Variants in RANBP10 observed in about 807,000 individuals in gnomAD.
The protein encoded by RANBP10 is ran-binding protein 10.
In RANBP10, 24 loss-of-function variants were observed where a neutral mutation model predicts 72.8. The ratio of observed to expected loss-of-function variants is 0.33; its 90% CI spans 0.24 to 0.46. RANBP10 has a LOEUF of 0.46. RANBP10 is among the 20% of genes least tolerant of loss of function. The pLI is 1.00. For synonymous variants in RANBP10, 310 were observed against 322.3 expected (o/e 0.96, Z 0.41); for missense variants, 679 against 817.5 (o/e 0.83, Z 2.07).
chr16:67,805,885 C>G (rs950981531), intron 1 of RANBP10, among the ~76,000 whole-genome samples: 1 of 152,220 alleles, frequency 6.6e-6, no homozygotes, highest in Non-Finnish European at 1.5e-5. Context: ...AAGACACCCC[C>G]CAAACTCTAG....
chr16:67,793,601 C>T (rs1046535571), intron 2 of RANBP10, among the ~76,000 whole-genome samples: 6 of 151,958 alleles, frequency 3.9e-5, no homozygotes, highest in Non-Finnish European at 8.8e-5. Flanking sequence ...CGTGAGCCAC[C>T]GTGCCCAGCC....
At chr16:67,745,161 A>G (rs1416925381) in intron 3 of RANBP10, among the ~76,000 whole-genome samples, 1 of 150,374 alleles carries the variant, frequency 6.7e-6, no homozygotes, top group Non-Finnish European at 1.5e-5. Context: ...TATTTTTAGT[A>G]GAGAGGGGGT....
chr16:67,746,755 A>C (rs1442627195), intron 3 of RANBP10, among the ~76,000 whole-genome samples: 1 of 152,182 alleles, frequency 6.6e-6, no homozygotes, highest in African/African-American at 2.4e-5. Context: ...TGCCTTTTCC[A>C]GAATTTCACA....
chr16:67,771,797 T>C (rs151187147), intron 3 of RANBP10, among the ~76,000 whole-genome samples: 22 of 152,356 alleles, frequency 1.4e-4, no homozygotes, highest in Middle Eastern at 3.4e-3. Context: ...TCAGTTGACT[T>C]TGATGGCAAA....
chr16:67,771,377 A>G (rs2054604592), intron 3 of RANBP10, among the ~76,000 whole-genome samples: 1 of 151,370 alleles, frequency 6.6e-6, no homozygotes, highest in Non-Finnish European at 1.5e-5. Context: ...ACGGAATCTC[A>G]CCCTGTTGCT....
chr16:67,772,871 A>T (rs145409819), intron 2 of RANBP10, among the ~76,000 whole-genome samples: 20 of 152,272 alleles, frequency 1.3e-4, no homozygotes, highest in Non-Finnish European at 2.5e-4. Context: ...CAATCCACTC[A>T]GATTCTCAAG....
chr16:67,799,330 C>T (rs1476664262), intron 2 of RANBP10, among the ~76,000 whole-genome samples: 1 of 149,362 alleles, frequency 6.7e-6, no homozygotes, highest in Non-Finnish European at 1.5e-5. Flanking sequence ...CTCTGTTGCC[C>T]AGGCTGGAGT....
chr16:67,788,399 CCCG>C (rs2054957608), intron 2 of RANBP10, among the ~76,000 whole-genome samples: 1 of 151,348 alleles, frequency 6.6e-6, no homozygotes, highest in Admixed American at 6.6e-5. Flanking sequence ...ACTATAGGCG[CCCG>C]CCACCATGCC....
chr16:67,765,706 G>T (rs1265752569), intron 3 of RANBP10, among the ~76,000 whole-genome samples: 1 of 151,308 alleles, frequency 6.6e-6, no homozygotes, highest in Non-Finnish European at 1.5e-5. Flanking sequence ...TGTGGTGGTG[G>T]GCGCCTGTAG....
intron 3 of RANBP10, chr16:67,762,305 C>G (rs2054412572): frequency 6.6e-6 from 1 of 152,198 alleles, no homozygotes; most frequent in South Asian, 2.1e-4. Flanking sequence ...TACCCCTTTT[C>G]TGTGTCAGGC....
chr16:67,738,197 G>T (rs1167266749), intron 4 of RANBP10, among the ~76,000 whole-genome samples, 162 bp from the exon 5 acceptor site: 2 of 152,158 alleles, frequency 1.3e-5, no homozygotes, highest in Non-Finnish European at 2.9e-5. Flanking sequence ...GGAGTGCAGT[G>T]GTACGATCTT....
At chr16:67,728,832 G>A (rs2053663250) in intron 10 of RANBP10, among the ~76,000 whole-genome samples, 1 of 152,342 alleles carries the variant, frequency 6.6e-6, no homozygotes, top group Admixed American at 6.5e-5. Flanking sequence ...GCCCCCATGG[G>A]CAGCTCTGTG....
At chr16:67,774,341 T>C (rs1350995050) in intron 2 of RANBP10, among the ~76,000 whole-genome samples, 2 of 152,254 alleles carry the variant, frequency 1.3e-5, no homozygotes, top group Admixed American at 6.5e-5. Context: ...AGAAGAGTTA[T>C]GCTTGGTCGC....
At chr16:67,732,526 G>A (rs1221510042) in intron 6 of RANBP10, among the ~76,000 whole-genome samples, 1 of 152,050 alleles carries the variant, frequency 6.6e-6, no homozygotes. Context: ...AGCTTTAAGG[G>A]GTAAATGAGA....
At chr16:67,805,870 C>T (rs1427856494) in intron 1 of RANBP10, among the ~76,000 whole-genome samples, 3 of 152,224 alleles carry the variant, frequency 2.0e-5, no homozygotes, top group African/African-American at 4.8e-5. Flanking sequence ...ATGAGGCCGA[C>T]CTGGAAGACA....
intron 3 of RANBP10, among the ~76,000 whole-genome samples, chr16:67,752,618 G>A (rs2054217424): frequency 6.6e-6 from 1 of 152,030 alleles, no homozygotes; most frequent in Non-Finnish European, 1.5e-5. Context: ...ATAAGTGTCT[G>A]TGTGTATATA....
chr16:67,782,696 G>A (rs1024944748), intron 2 of RANBP10, among the ~76,000 whole-genome samples: 2 of 151,514 alleles, frequency 1.3e-5, no homozygotes, highest in African/African-American at 2.4e-5. Flanking sequence ...CATGTAATCC[G>A]CCCAGCTCGG....
At chr16:67,783,289 C>T (rs760748066) in intron 2 of RANBP10, among the ~76,000 whole-genome samples, 8 of 152,134 alleles carry the variant, frequency 5.3e-5, no homozygotes, top group Non-Finnish European at 1.2e-4. Flanking sequence ...ACTTTAGAAA[C>T]CAGGGCCACC....
intron 2 of RANBP10, among the ~76,000 whole-genome samples, chr16:67,787,483 A>G (rs1272130412): frequency 6.6e-6 from 1 of 152,212 alleles, no homozygotes. Flanking sequence ...TTACCCAAAA[A>G]AGTTAAATAA....
Sources: gnomAD v4.1 joint callset for allele counts (sites outside exome capture counted in the v4.1 genomes callset) on GRCh38, gnomAD v4.1.1 for gene constraint, MANE v1.5 for transcripts, NCBI Gene and HGNC (gene_info 2026-07-23, HGNC 2026-07-21) for gene names.